The following TIAM1 variants were observed in gnomAD, a reference collection of about 807,000 sequenced individuals.
TIAM1 encodes the protein TIAM Rac1 associated GEF 1.
TIAM1 carries 65 observed loss-of-function variants against 163.5 expected under a neutral mutation model. That is an observed-to-expected ratio of 0.40 (90% CI 0.33 to 0.49). TIAM1 has a LOEUF of 0.49. Among genes scored for constraint, TIAM1 ranks in the 20% least tolerant of loss-of-function variants. The pLI is 0.77. For synonymous variants in TIAM1, 833 were observed against 810.1 expected, an observed-to-expected ratio of 1.03 and a Z score of -0.48; for missense variants, 1,789 against 2,044.7, an observed-to-expected ratio of 0.87 and a Z score of 2.41.
chr21:31,118,946 C>G lies in TIAM1; in HGVS notation c.*1422G>C, dbSNP rs2081903173. 2 of 195,522 alleles carry G rather than the reference C, an allele frequency of 1.0e-5. No homozygotes were observed. Among genetic ancestry groups the G allele is most frequent in the Admixed American group, 1.1e-4 (2 of 18,064 alleles). 12.1% of individuals were successfully genotyped at this position (195,522 alleles called of 1,614,324 possible). ...CATAACTGATTTTTATAAAATATAACTCCTAAAGCTACTATAAAATTCAGG... is the reference window on the plus strand; with the variant it reads ...CATAACTGATTTTTATAAAATATAAGTCCTAAAGCTACTATAAAATTCAGG... On this transcript the variant is annotated 3_prime_UTR_variant, in exon 28 of 28. Transcript: ENST00000541036.
intron 6 of TIAM1, among the ~76,000 whole-genome samples, chr21:31,239,153 C>T (rs1157455578): frequency 1.3e-5 from 2 of 151,510 alleles, no homozygotes; most frequent in East Asian, 1.9e-4. Flanking sequence ...GATAGGGTCT[C>T]GCTCTGCCAC....
chr21:31,148,490 A>C (rs66662914), intron 19 of TIAM1, among the ~76,000 whole-genome samples: 18,329 of 152,110 alleles, frequency 0.12, 1,298 homozygotes, highest in African/African-American at 0.2. Context: ...TTTACAAATT[A>C]CCCAATCTCA....
chr21:31,210,208 T>G lies in TIAM1; in HGVS notation c.2225A>C (p.Lys742Thr), dbSNP rs1405833209. The G allele has an allele frequency of 1.2e-6, 2 of 1,613,910 alleles. No homozygotes were observed. Among genetic ancestry groups the G allele is most frequent in the Non-Finnish European group, 1.7e-6 (2 of 1,180,026 alleles). ...DDIVPDGKREKEVVLPNVHQH... is the reference protein window; with the variant it reads ...DDIVPDGKRETEVVLPNVHQH... ...GTGAACGTTAGGTAAGACCACTTCT[T>G]TCTCCCTCTATAACAAGAAATAAAG... The change falls in exon 11 of 28, where the codon AAA (lysine) becomes ACA (threonine). Residue 742 changes from lysine (K) to threonine (T), a missense_variant. Around this residue, in one of 5 missense-constraint regions of TIAM1, gnomAD observed 456 missense variants for 586.6 expected, o/e 0.78. Transcript: ENST00000541036.
chr21:31,369,945 A>G (rs1177431337), intron 2 of TIAM1, among the ~76,000 whole-genome samples: 1 of 152,180 alleles, frequency 6.6e-6, no homozygotes, highest in African/African-American at 2.4e-5. Context: ...AGATCGCGCC[A>G]CTGCACTCCA....
intron 1 of TIAM1, among the ~76,000 whole-genome samples, chr21:31,490,771 G>A (rs960165454): frequency 6.6e-6 from 1 of 152,200 alleles, no homozygotes; most frequent in Non-Finnish European, 1.5e-5. Context: ...TCATTCAAGT[G>A]TTGTTGCAAT....
chr21:31,254,309 G>A (rs1428693132), intron 4 of TIAM1, among the ~76,000 whole-genome samples: 2 of 152,244 alleles, frequency 1.3e-5, no homozygotes, highest in South Asian at 4.1e-4. Context: ...CAGATGGGAA[G>A]TTGAAACCTA....
At chr21:31,406,785 T>G (rs1007582104) in intron 2 of TIAM1, among the ~76,000 whole-genome samples, 6 of 152,194 alleles carry the variant, frequency 3.9e-5, no homozygotes, top group African/African-American at 1.4e-4. Flanking sequence ...TGTGTCACTC[T>G]ACCCCTCCTC....
intron 2 of TIAM1, among the ~76,000 whole-genome samples, chr21:31,431,192 GACCT>G (rs1375611996): frequency 2.0e-5 from 3 of 152,088 alleles, no homozygotes; most frequent in Admixed American, 6.6e-5. Context: ...CTCATCTGAA[GACCT>G]ACCTAATTCT....
chr21:31,491,722 C>G (rs902124913), intron 1 of TIAM1, among the ~76,000 whole-genome samples: 2 of 152,228 alleles, frequency 1.3e-5, no homozygotes, highest in African/African-American at 2.4e-5. Flanking sequence ...AGACTACCCA[C>G]TGCTAAATGT....
chr21:31,403,003 C>G (rs765359134), intron 2 of TIAM1, among the ~76,000 whole-genome samples: 2 of 152,154 alleles, frequency 1.3e-5, no homozygotes, highest in Admixed American at 6.5e-5. Flanking sequence ...TCCAAGAAGA[C>G]AGGGGCTCAC....
chr21:31,423,700 T>TAAAAAAAAAA (rs200137644), intron 2 of TIAM1, among the ~76,000 whole-genome samples: 1 of 48,222 alleles, frequency 2.1e-5, no homozygotes, highest in African/African-American at 8.3e-5. Flanking sequence ...TAGAAAGTTG[T>TAAAAAAAAAA]AAAAAAAAAA....
At chr21:31,263,813 A>G (rs2072611265) in intron 4 of TIAM1, among the ~76,000 whole-genome samples, 2 of 152,224 alleles carry the variant, frequency 1.3e-5, no homozygotes, top group Admixed American at 1.3e-4. Flanking sequence ...AAGGCCCCAT[A>G]GATCATCTCT....
chr21:31,409,158 T>C (rs867835614), intron 2 of TIAM1, among the ~76,000 whole-genome samples: 1 of 151,442 alleles, frequency 6.6e-6, no homozygotes, highest in Non-Finnish European at 1.5e-5. Flanking sequence ...TCACCCAGGC[T>C]GGAGTGCAAT....
intron 1 of TIAM1, among the ~76,000 whole-genome samples, chr21:31,509,128 C>T (rs79337067): frequency 6.6e-6 from 1 of 152,086 alleles, no homozygotes; most frequent in African/African-American, 2.4e-5. Context: ...TGCGTGCCTC[C>T]GTGGTGGAGA....
At chr21:31,529,004 C>T (rs1259115263) in intron 1 of TIAM1, among the ~76,000 whole-genome samples, 4 of 150,502 alleles carry the variant, frequency 2.7e-5, no homozygotes, top group Non-Finnish European at 5.9e-5. Context: ...TCACTACAAG[C>T]TCCGCCTCCC....
intron 1 of TIAM1, among the ~76,000 whole-genome samples, chr21:31,499,386 C>T (rs775123978): frequency 6.6e-6 from 1 of 151,402 alleles, no homozygotes; most frequent in Non-Finnish European, 1.5e-5. Flanking sequence ...ACGGTGAAAT[C>T]GCATCTCTAT....
At position 31,243,209 on chromosome 21, in the gene TIAM1, A is replaced by ATATAT. The variant is rs1555902485; in HGVS notation, c.1584+2278_1584+2279insATATA. Among the ~76,000 whole-genome samples the ATATAT allele has an allele frequency of 2.3e-3, 270 of 117,242 alleles. 4 individuals are homozygous for ATATAT. Among genetic ancestry groups the ATATAT allele is most frequent in the African/African-American group, 9.3e-3 (249 of 26,808 alleles). 76.9% of individuals were successfully genotyped at this position (117,242 alleles called of 152,430 possible). The stretch of plus-strand genomic sequence containing the variant: ...CTTCATCTCAAAAAAAAAAAAAAAA[A>ATATAT]ATATATATATATATATGTATATTTC... On this transcript the variant is annotated intron_variant, in intron 6 of 27. Transcript: ENST00000541036.
At chr21:31,246,157 C>T (rs916947263) in intron 5 of TIAM1, among the ~76,000 whole-genome samples, 6 of 151,984 alleles carry the variant, frequency 3.9e-5, no homozygotes, top group African/African-American at 1.5e-4. Flanking sequence ...ATAATACCAG[C>T]GTTAAGTACT....
At chr21:31,320,693 T>C (rs1397437905) in intron 2 of TIAM1, among the ~76,000 whole-genome samples, 2 of 152,012 alleles carry the variant, frequency 1.3e-5, no homozygotes, top group Non-Finnish European at 2.9e-5. Flanking sequence ...AAATGTGGAA[T>C]TGAAAAAAAG....
Sources: allele counts gnomAD v4.1 joint callset (sites outside exome capture counted in the v4.1 genomes callset), GRCh38; gene constraint gnomAD v4.1.1; regional missense constraint gnomAD v4.1.1; transcripts MANE v1.5; gene names NCBI Gene and HGNC (gene_info 2026-07-23, HGNC 2026-07-21).